UHRF2: variants seen among roughly 807,000 people sequenced by gnomAD.
UHRF2 encodes the protein E3 ubiquitin-protein ligase UHRF2.
Under a neutral mutation model 96.8 loss-of-function variants are expected in UHRF2, and 23 were observed. That is an observed-to-expected ratio of 0.24 (90% CI 0.17 to 0.34). The LOEUF (loss-of-function observed/expected upper bound fraction) is 0.34. Ranked by LOEUF, UHRF2 falls within the 10% of genes least tolerant of loss-of-function variation. The pLI is 1.00. For missense variants in UHRF2, 685 were observed against 981.5 expected (o/e 0.70, Z 4.04); for synonymous variants, 385 against 332.6 (o/e 1.16, Z -1.72).
intron 2 of UHRF2, among the ~76,000 whole-genome samples, chr9:6,428,193 T>C (rs762999909): frequency 3.8e-4 from 58 of 152,228 alleles, no homozygotes; most frequent in Non-Finnish European, 7.9e-4. Flanking sequence ...TTATTTCTTT[T>C]GTCCACAGTA....
At chr9:6,488,253 A>T (rs1177503057) in intron 9 of UHRF2, among the ~76,000 whole-genome samples, 1 of 4,898 alleles carries the variant, frequency 2.0e-4, no homozygotes, top group Non-Finnish European at 9.1e-4. Context: ...TGTCTCCTTA[A>T]AAAAAAAAAA....
chr9:6,451,797 G>GTTGTTT (rs1030431541), intron 3 of UHRF2, among the ~76,000 whole-genome samples: 6 of 148,472 alleles, frequency 4.0e-5, no homozygotes, highest in African/African-American at 1.2e-4. Flanking sequence ...TGTTGTTGTT[G>GTTGTTT]TTTTTGAGAC....
intron 11 of UHRF2, among the ~76,000 whole-genome samples, chr9:6,497,809 T>C (rs1463980466): frequency 6.6e-6 from 1 of 152,192 alleles, no homozygotes. Flanking sequence ...CTCTATTAAA[T>C]TTATAGCAGT....
intron 8 of UHRF2, among the ~76,000 whole-genome samples, chr9:6,483,197 C>T (rs1055039068): frequency 1.5e-4 from 23 of 151,712 alleles, no homozygotes; most frequent in African/African-American, 4.4e-4. Flanking sequence ...TGGTGGCAAG[C>T]GCCTATAATA....
chr9:6,474,813 C>T (rs999446804), intron 4 of UHRF2, among the ~76,000 whole-genome samples: 1 of 152,062 alleles, frequency 6.6e-6, no homozygotes, highest in Non-Finnish European at 1.5e-5. Flanking sequence ...TTGAGTCTGA[C>T]AAGTATGGTG....
intron 3 of UHRF2, among the ~76,000 whole-genome samples, chr9:6,446,768 C>T (rs1161887195): frequency 6.6e-6 from 1 of 151,824 alleles, no homozygotes; most frequent in East Asian, 2.0e-4. Flanking sequence ...TCACTTGAAC[C>T]CAAGAAGTGG....
At chr9:6,486,513 A>G (rs773798433) in intron 8 of UHRF2, among the ~76,000 whole-genome samples, 7 of 152,222 alleles carry the variant, frequency 4.6e-5, no homozygotes, top group Non-Finnish European at 7.3e-5. Context: ...GGAAGTTCCA[A>G]TAGACATAAG....
In UHRF2 at chr9:6,506,879, C is replaced by T. The variant is rs1480883927; in HGVS notation, c.*700C>T. The T allele has an allele frequency of 6.5e-6, 1 of 152,776 alleles. No individual in the cohort carries two copies. Among genetic ancestry groups the T allele is most frequent in the African/African-American group, 2.4e-5 (1 of 41,590 alleles). 9.5% of individuals were successfully genotyped at this position (152,776 alleles called of 1,614,324 possible). A position where few individuals can be genotyped will look rare whatever the true frequency, so the allele number is the denominator to read the frequency against. On this transcript the variant is annotated 3_prime_UTR_variant, in exon 16 of 16. Coordinates refer to ENST00000276893, the MANE Select transcript of UHRF2 (RefSeq NM_152896.3). ...AGTTGTAAATGTTCATGAAAATCCA[C>T]TTCTCTACTAGTCGAACTGCTTTTA...
At chr9:6,449,073 C>G (rs919615730) in intron 3 of UHRF2, among the ~76,000 whole-genome samples, 1 of 152,148 alleles carries the variant, frequency 6.6e-6, no homozygotes, top group African/African-American at 2.4e-5. Flanking sequence ...AAGTCCTGAA[C>G]CTTATATGAT....
At chr9:6,444,294 T>A (rs1821359048) in intron 3 of UHRF2, among the ~76,000 whole-genome samples, 1 of 152,252 alleles carries the variant, frequency 6.6e-6, no homozygotes, top group African/African-American at 2.4e-5. Flanking sequence ...TTCCTCTAAC[T>A]GTCTATGACT....
intron 2 of UHRF2, among the ~76,000 whole-genome samples, chr9:6,426,104 T>C (rs966538515): frequency 1.3e-5 from 2 of 152,214 alleles, no homozygotes; most frequent in African/African-American, 4.8e-5. Flanking sequence ...AATTTCTGTT[T>C]AGCAAACTTC....
At chr9:6,448,912 G>A (rs4742205) in intron 3 of UHRF2, among the ~76,000 whole-genome samples, 2 of 152,048 alleles carry the variant, frequency 1.3e-5, no homozygotes, top group Non-Finnish European at 2.9e-5. Flanking sequence ...TTTCAATTGC[G>A]TAGCATTTGT....
intron 5 of UHRF2, among the ~76,000 whole-genome samples, chr9:6,476,582 G>C (rs1318492235): frequency 6.6e-6 from 1 of 151,936 alleles, no homozygotes; most frequent in African/African-American, 2.4e-5. Flanking sequence ...TCATGATGGG[G>C]CTTTTTTTGT....
At chr9:6,420,632 G>A (rs574296734) in intron 1 of UHRF2, among the ~76,000 whole-genome samples, 10 of 151,612 alleles carry the variant, frequency 6.6e-5, no homozygotes, top group South Asian at 2.1e-4. Flanking sequence ...GTGTGAACCC[G>A]GGAGGAGGCG....
chr9:6,460,039 C>T (rs997220123), intron 3 of UHRF2, among the ~76,000 whole-genome samples: 2 of 152,194 alleles, frequency 1.3e-5, no homozygotes, highest in African/African-American at 4.8e-5. Flanking sequence ...TCACCCTCCC[C>T]AGTCCCCTAC....
chr9:6,488,477 A>G (rs1329317388), intron 9 of UHRF2, among the ~76,000 whole-genome samples: 2 of 149,658 alleles, frequency 1.3e-5, no homozygotes, highest in East Asian at 3.9e-4. Flanking sequence ...TACACCTATC[A>G]GACGTAGCCC....
chr9:6,501,208 A>C (rs1263266059), intron 14 of UHRF2, among the ~76,000 whole-genome samples: 1 of 151,924 alleles, frequency 6.6e-6, no homozygotes, highest in African/African-American at 2.4e-5. Flanking sequence ...AAGGAATCAC[A>C]GTTAATTAAT....
chr9:6,448,829 T>A (rs1248172302), intron 3 of UHRF2, among the ~76,000 whole-genome samples: 1 of 152,242 alleles, frequency 6.6e-6, no homozygotes, highest in Non-Finnish European at 1.5e-5. Context: ...AATGTCACCT[T>A]TTAAAGTTTG....
Position 6,460,698 on chromosome 9 carries a change from C to T in UHRF2, c.770C>T (p.Pro257Leu). 1 of 1,613,752 alleles carries T rather than the reference C, an allele frequency of 6.2e-7. No individual in the cohort carries two copies. The change falls in exon 4 of 16, where the codon CCT (proline) becomes CTT (leucine). Residue 257 changes from proline to leucine, a missense_variant. This residue lies in a region of UHRF2 where 391 missense variants were observed against 437.0 expected (regional missense o/e 0.89). Coordinates refer to ENST00000276893, the MANE Select transcript of UHRF2 (RefSeq NM_152896.3). ...VVMVNYNVES[P>L]GQRGFWFDAE... ...ATGGTTAATTATAATGTAGAAAGTCCTGGACAAAGAGGATTCTGGTTTGAT... is the reference window on the plus strand; with the variant it reads ...ATGGTTAATTATAATGTAGAAAGTCTTGGACAAAGAGGATTCTGGTTTGAT...
Sources: allele counts gnomAD v4.1 joint callset (sites outside exome capture counted in the v4.1 genomes callset), GRCh38; gene constraint gnomAD v4.1.1; regional missense constraint gnomAD v4.1.1; transcripts MANE v1.5; gene names NCBI Gene and HGNC (gene_info 2026-07-23, HGNC 2026-07-21).